EVA1A: variants seen among roughly 807,000 people sequenced by gnomAD.
EVA1A encodes the protein protein eva-1 homolog A.
Under a neutral mutation model 9.8 loss-of-function variants are expected in EVA1A, and 7 were observed. The observed-to-expected ratio is 0.71, with a 90% CI of 0.41 to 1.34. EVA1A has a LOEUF of 1.34. Among genes scored for constraint, EVA1A ranks in the 40% most tolerant of loss-of-function variants. The probability of loss-of-function intolerance (pLI) is 0.01; values close to 1 mark genes in which losing one functional copy is unlikely to be tolerated. For synonymous variants in EVA1A, 90 were observed against 85.6 expected, an observed-to-expected ratio of 1.05 and a Z score of -0.28; for missense variants, 206 against 205.9, an observed-to-expected ratio of 1.00 and a Z score of 0.00.
intron 2 of EVA1A, among the ~76,000 whole-genome samples, chr2:75,518,997 TG>T (rs1413486939): frequency 6.6e-6 from 1 of 152,194 alleles, no homozygotes; most frequent in African/African-American, 2.4e-5. Flanking sequence ...AACACACACA[TG>T]GCCCAGACTG....
intron 3 of EVA1A, among the ~76,000 whole-genome samples, chr2:75,494,693 C>T (rs1572940663): frequency 6.6e-6 from 1 of 152,194 alleles, no homozygotes; most frequent in South Asian, 2.1e-4. Context: ...AACCAAGGAA[C>T]CCAGCTAAGC....
At chr2:75,514,760 A>G (rs1433470278) in intron 3 of EVA1A, among the ~76,000 whole-genome samples, 1 of 152,170 alleles carries the variant, frequency 6.6e-6, no homozygotes, top group Non-Finnish European at 1.5e-5. Flanking sequence ...TAATTCTGAG[A>G]TCAATCATCC....
chr2:75,520,462 C>G (rs892754900), intron 2 of EVA1A, among the ~76,000 whole-genome samples: 1 of 152,112 alleles, frequency 6.6e-6, no homozygotes, highest in Non-Finnish European at 1.5e-5. Context: ...CTATAGTAAT[C>G]AAAACAGTGT....
chr2:75,558,289 C>T (rs190367739), intron 1 of EVA1A, among the ~76,000 whole-genome samples: 125 of 152,252 alleles, frequency 8.2e-4, no homozygotes, highest in Non-Finnish European at 1.4e-3. Flanking sequence ...TTTCTTCTTA[C>T]CAAGAAGACT....
intron 2 of EVA1A, among the ~76,000 whole-genome samples, chr2:75,520,110 T>C (rs1675183506): frequency 1.3e-5 from 2 of 152,134 alleles, no homozygotes; most frequent in Admixed American, 1.3e-4. Flanking sequence ...GTCACACACA[T>C]ATACACACAG....
At chr2:75,565,733 A>G (rs944582574), upstream of EVA1A, among the ~76,000 whole-genome samples, 1 of 152,202 alleles carries the variant, frequency 6.6e-6, no homozygotes, top group African/African-American at 2.4e-5. Context: ...TAAAGCAAAT[A>G]ATGAAAGACA....
intron 1 of EVA1A, among the ~76,000 whole-genome samples, chr2:75,567,618 G>A (rs752032371): frequency 6.6e-6 from 1 of 152,180 alleles, no homozygotes. Context: ...TCTGAAACCC[G>A]CATAGTTCAT....
chr2:75,551,682 T>C (rs1341059669), intron 1 of EVA1A, among the ~76,000 whole-genome samples: 1 of 152,264 alleles, frequency 6.6e-6, no homozygotes, highest in Non-Finnish European at 1.5e-5. Context: ...TTACCATCTC[T>C]GTGCCTAGGT....
At chr2:75,541,106 C>A (rs955811703) in intron 1 of EVA1A, among the ~76,000 whole-genome samples, 10 of 152,166 alleles carry the variant, frequency 6.6e-5, no homozygotes, top group African/African-American at 1.9e-4. Context: ...AGGGCCAGGG[C>A]CCCTCCCTGA....
At chr2:75,555,930 T>A (rs1676696510) in intron 1 of EVA1A, among the ~76,000 whole-genome samples, 2 of 152,262 alleles carry the variant, frequency 1.3e-5, no homozygotes, top group South Asian at 4.1e-4. Flanking sequence ...CTCTTCTCTC[T>A]GATGCCTTTC....
At chr2:75,566,591 A>T (rs75419090) in intron 1 of EVA1A, among the ~76,000 whole-genome samples, 3,806 of 152,270 alleles carry the variant, frequency 0.025, 151 homozygotes, top group African/African-American at 0.086. Context: ...TATCCTCTTT[A>T]TCTGTTCTAT....
At chr2:75,563,787 CA>C (rs933550101), upstream of EVA1A, among the ~76,000 whole-genome samples, 4 of 152,164 alleles carry the variant, frequency 2.6e-5, no homozygotes, top group African/African-American at 9.7e-5. Flanking sequence ...TACAAGTCAT[CA>C]AAACTCTCTG....
intron 3 of EVA1A, among the ~76,000 whole-genome samples, chr2:75,508,989 G>A (rs1374045033): frequency 5.3e-5 from 8 of 152,146 alleles, no homozygotes; most frequent in Admixed American, 5.2e-4. Context: ...TGACTTGATT[G>A]ATTGATGAAC....
intron 1 of EVA1A, among the ~76,000 whole-genome samples, chr2:75,567,210 T>C (rs1677045661): frequency 1.3e-5 from 2 of 152,258 alleles, no homozygotes; most frequent in South Asian, 2.1e-4. Flanking sequence ...ACTCTCATTA[T>C]AAAATTGAGA....
chr2:75,523,418 C>T (rs956602234), intron 1 of EVA1A, among the ~76,000 whole-genome samples: 1 of 152,208 alleles, frequency 6.6e-6, no homozygotes, highest in Non-Finnish European at 1.5e-5. Flanking sequence ...AGGACAGTCA[C>T]AGGGAGTCTG....
chr2:75,546,274 A>C (rs1676325918), intron 1 of EVA1A, among the ~76,000 whole-genome samples: 1 of 151,988 alleles, frequency 6.6e-6, no homozygotes, highest in South Asian at 2.1e-4. Flanking sequence ...AGCAGGAACT[A>C]TTTTTTTCAT....
chr2:75,493,874 A>T (rs1208351470), intron 3 of EVA1A, among the ~76,000 whole-genome samples: 1 of 152,260 alleles, frequency 6.6e-6, no homozygotes, highest in Non-Finnish European at 1.5e-5. Flanking sequence ...AAAAGAAAGA[A>T]AAACAGTAAT....
At chr2:75,541,105 G>A (rs1676101626) in intron 1 of EVA1A, among the ~76,000 whole-genome samples, 1 of 152,170 alleles carries the variant, frequency 6.6e-6, no homozygotes, top group Non-Finnish European at 1.5e-5. Context: ...GAGGGCCAGG[G>A]CCCCTCCCTG....
chr2:75,531,243 CA>C (rs571759657), intron 1 of EVA1A, among the ~76,000 whole-genome samples: 191 of 152,224 alleles, frequency 1.3e-3, no homozygotes, highest in African/African-American at 4.4e-3. Flanking sequence ...ATTTAAAAAT[CA>C]AAAACTAATA....
Sources: allele counts gnomAD v4.1 joint callset (sites outside exome capture counted in the v4.1 genomes callset), GRCh38; gene constraint gnomAD v4.1.1; transcripts MANE v1.5; gene names NCBI Gene and HGNC (gene_info 2026-07-23, HGNC 2026-07-21).